ERC2: variants seen among roughly 807,000 people sequenced by gnomAD.
ERC2 encodes the protein ERC protein 2.
A neutral mutation model predicts 114.8 loss-of-function variants in ERC2; 42 were observed. The ratio of observed to expected loss-of-function variants is 0.37; its 90% CI spans 0.29 to 0.47. The LOEUF is 0.47. Among genes scored for constraint, ERC2 ranks in the 20% least tolerant of loss-of-function variants. The probability of loss-of-function intolerance (pLI) is 0.99; values close to 1 mark genes in which losing one functional copy is unlikely to be tolerated. For synonymous variants in ERC2, 454 were observed against 425.5 expected, an observed-to-expected ratio of 1.07 and a Z score of -0.82; for missense variants, 939 against 1,150.7, an observed-to-expected ratio of 0.82 and a Z score of 2.66.
intron 5 of ERC2, among the ~76,000 whole-genome samples, chr3:56,146,784 T>C (rs1006662007): frequency 7.2e-5 from 11 of 152,142 alleles, no homozygotes; most frequent in African/African-American, 2.7e-4. Context: ...GCTGGAGACT[T>C]GCTGGAGTCT....
chr3:56,295,748 G>A (rs2055387528), intron 3 of ERC2, among the ~76,000 whole-genome samples: 1 of 152,194 alleles, frequency 6.6e-6, no homozygotes, highest in Non-Finnish European at 1.5e-5. Flanking sequence ...CTGTGGGAAA[G>A]CAATTGTTTA....
chr3:55,891,437 ATTTTTTTTTTTTTTTTT>A (rs869073962), intron 13 of ERC2, among the ~76,000 whole-genome samples: 55 of 86,974 alleles, frequency 6.3e-4, no homozygotes, highest in Non-Finnish European at 9.2e-4. Flanking sequence ...GTCTGGTTCT[ATTTTTTTTTTTTTTTTT>A]TTTTTTTTTT....
chr3:55,539,403 C>CTTTTTTTTTTTTT (rs1173580811), intron 17 of ERC2, among the ~76,000 whole-genome samples: 1 of 90,958 alleles, frequency 1.1e-5, no homozygotes. Context: ...CTCTCTCTCT[C>CTTTTTTTTTTTTT]TTTTTTTCTT....
At chr3:56,175,910 T>C (rs1176687541) in intron 3 of ERC2, among the ~76,000 whole-genome samples, 1 of 139,300 alleles carries the variant, frequency 7.2e-6, no homozygotes. Flanking sequence ...TCCAATCAAT[T>C]TGGAGTCAAT....
rs1471511687 is a variant in ERC2 at position 55,888,300 on chromosome 3, T to A, written c.2564+89A>T. On this transcript the variant is annotated intron_variant, in intron 14 of 17. Coordinates refer to ENST00000288221, the MANE Select transcript of ERC2 (RefSeq NM_015576.3). ...GAGCTAAATTATTCTTTTTCTGAGC[T>A]CTTTCTTCATCTTCTCTAGCCCTTC... 3 of 1,412,560 alleles carry A rather than the reference T, an allele frequency of 2.1e-6. No homozygotes were observed. The African/African-American group carries it at 4.3e-5, about 20-fold the overall frequency. 87.5% of individuals were successfully genotyped at this position (1,412,560 alleles called of 1,614,324 possible).
intron 3 of ERC2, among the ~76,000 whole-genome samples, chr3:56,188,658 A>G (rs983695899): frequency 6.6e-6 from 1 of 152,198 alleles, no homozygotes; most frequent in Non-Finnish European, 1.5e-5. Context: ...GTCTGTAATG[A>G]AGCCTTGTAG....
intron 6 of ERC2, among the ~76,000 whole-genome samples, chr3:56,111,991 T>C (rs1159870830): frequency 1.3e-5 from 2 of 152,144 alleles, no homozygotes; most frequent in Non-Finnish European, 2.9e-5. Flanking sequence ...TAACTAGATA[T>C]GTTCTGGATA....
intron 6 of ERC2, among the ~76,000 whole-genome samples, chr3:56,098,888 T>C (rs1037934172): frequency 2.6e-5 from 4 of 152,196 alleles, no homozygotes; most frequent in African/African-American, 9.6e-5. Context: ...TGGACTAGGC[T>C]TATGTATCCT....
intron 2 of ERC2, among the ~76,000 whole-genome samples, chr3:56,402,682 T>C (rs1355039939): frequency 6.6e-6 from 1 of 152,232 alleles, no homozygotes. Context: ...CTAAATATAA[T>C]CTCATTGTTT....
intron 14 of ERC2, among the ~76,000 whole-genome samples, chr3:55,886,367 A>G (rs1470646350): frequency 6.6e-6 from 1 of 152,234 alleles, no homozygotes; most frequent in Non-Finnish European, 1.5e-5. Flanking sequence ...TCAAATCCAA[A>G]ATGAAGGTGG....
At chr3:55,906,386 C>T (rs963705144) in intron 13 of ERC2, among the ~76,000 whole-genome samples, 2 of 142,384 alleles carry the variant, frequency 1.4e-5, no homozygotes, top group African/African-American at 2.6e-5. Flanking sequence ...GAGCCGAGAT[C>T]GCGCCACTGC....
At chr3:56,102,187 C>T (rs1469568013) in intron 6 of ERC2, among the ~76,000 whole-genome samples, 6 of 152,124 alleles carry the variant, frequency 3.9e-5, no homozygotes, top group Admixed American at 1.3e-4. Flanking sequence ...GTGACACAAG[C>T]GCTCCCTCCA....
At position 55,626,150 on chromosome 3, in the gene ERC2, C is replaced by T. The variant is rs552772020; in HGVS notation, c.*39+57644G>A. On this transcript the variant is annotated intron_variant, in intron 17 of 17. Coordinates refer to ENST00000288221, the MANE Select transcript of ERC2 (RefSeq NM_015576.3). Reference sequence around the variant, plus strand: ...GAATGAGCAGCTAAGGAAGTGGTAACACAGGGAAATGTTTCTTTAGCATGC... The same window carrying T: ...GAATGAGCAGCTAAGGAAGTGGTAATACAGGGAAATGTTTCTTTAGCATGC... Among the ~76,000 whole-genome samples, 17 of 152,274 alleles carry T rather than the reference C, an allele frequency of 1.1e-4. 1 individual carries two copies. The South Asian group carries it at 3.5e-3, about 32-fold the overall frequency.
intron 1 of ERC2, among the ~76,000 whole-genome samples, chr3:56,463,013 G>A (rs1469722474): frequency 6.6e-6 from 1 of 152,148 alleles, no homozygotes; most frequent in Non-Finnish European, 1.5e-5. Flanking sequence ...GATCACTTGA[G>A]CTCGGGAGTT....
intron 6 of ERC2, among the ~76,000 whole-genome samples, chr3:56,118,821 A>G (rs2079406297): frequency 2.0e-5 from 3 of 152,064 alleles, no homozygotes; most frequent in African/African-American, 7.2e-5. Context: ...TATTTTTAGT[A>G]GAGACGGGGT....
chr3:55,997,296 G>A (rs1445230300), intron 10 of ERC2, among the ~76,000 whole-genome samples: 3 of 149,536 alleles, frequency 2.0e-5, no homozygotes, highest in East Asian at 2.0e-4. Flanking sequence ...ATATGATTTC[G>A]ATTGTGGCAT....
chr3:55,666,489 C>T (rs891063338), intron 17 of ERC2, among the ~76,000 whole-genome samples: 5 of 152,142 alleles, frequency 3.3e-5, no homozygotes, highest in African/African-American at 9.7e-5. Flanking sequence ...CTTCAGTCTG[C>T]GGGTCAAACT....
chr3:56,407,643 A>G (rs540983538), intron 2 of ERC2, among the ~76,000 whole-genome samples: 1 of 152,308 alleles, frequency 6.6e-6, no homozygotes, highest in East Asian at 1.9e-4. Context: ...TGGAGGGGTG[A>G]GAGTCTGCAT....
intron 6 of ERC2, among the ~76,000 whole-genome samples, chr3:56,119,432 C>A (rs2149852177): frequency 6.6e-6 from 1 of 152,334 alleles, no homozygotes; most frequent in Admixed American, 6.5e-5. Context: ...TTAACTGAAC[C>A]TCTGGCTGGA....
Sources: gnomAD v4.1 joint callset for allele counts (sites outside exome capture counted in the v4.1 genomes callset) on GRCh38, gnomAD v4.1.1 for gene constraint, MANE v1.5 for transcripts, NCBI Gene and HGNC (gene_info 2026-07-23, HGNC 2026-07-21) for gene names.